Variants in CACNA2D1 observed in about 807,000 individuals in gnomAD.
The protein encoded by CACNA2D1 is calcium voltage-gated channel auxiliary subunit alpha2delta 1, also known as voltage-dependent calcium channel subunit alpha-2/delta-1.
Under a neutral mutation model 171.5 loss-of-function variants are expected in CACNA2D1, and 53 were observed. The ratio of observed to expected loss-of-function variants is 0.31; its 90% CI spans 0.25 to 0.39. CACNA2D1 has a LOEUF of 0.39. Ranked by LOEUF, CACNA2D1 falls within the 10% of genes least tolerant of loss-of-function variation. The probability of loss-of-function intolerance (pLI) is 1.00; values close to 1 mark genes in which losing one functional copy is unlikely to be tolerated. For synonymous variants in CACNA2D1, 442 were observed against 443.1 expected (o/e 1.00, Z 0.03); for missense variants, 903 against 1,299.8 (o/e 0.69, Z 4.69).
At chr7:82,415,028 A>G (rs1352021293) in intron 1 of CACNA2D1, among the ~76,000 whole-genome samples, 2 of 152,206 alleles carry the variant, frequency 1.3e-5, no homozygotes, top group African/African-American at 4.8e-5. Context: ...TTTATTAAAC[A>G]AGTCTTTAAA....
chr7:82,176,658 T>G (rs1796565944), intron 3 of CACNA2D1, among the ~76,000 whole-genome samples: 1 of 151,688 alleles, frequency 6.6e-6, no homozygotes, highest in South Asian at 2.1e-4. Flanking sequence ...TTGATAATTG[T>G]AGCAACTAGA....
At chr7:82,262,206 C>A (rs1010894176) in intron 3 of CACNA2D1, among the ~76,000 whole-genome samples, 2 of 152,158 alleles carry the variant, frequency 1.3e-5, no homozygotes, top group African/African-American at 4.8e-5. Context: ...TGGCAGGCAC[C>A]TGTAGTCCCA....
At chr7:82,000,605 C>T (rs1216380948) in intron 18 of CACNA2D1, among the ~76,000 whole-genome samples, 1 of 151,228 alleles carries the variant, frequency 6.6e-6, no homozygotes, top group East Asian at 2.0e-4. Flanking sequence ...TTTATTTACT[C>T]ATTTTGTTTT....
chr7:82,434,549 A>C (rs1450799013), intron 1 of CACNA2D1, among the ~76,000 whole-genome samples: 1 of 152,080 alleles, frequency 6.6e-6, no homozygotes, highest in Non-Finnish European at 1.5e-5. Context: ...GAAAGGTCCC[A>C]GTGTGTGTTG....
chr7:82,258,507 C>T (rs542928827), intron 3 of CACNA2D1, among the ~76,000 whole-genome samples: 2 of 152,248 alleles, frequency 1.3e-5, no homozygotes, highest in Admixed American at 1.3e-4. Context: ...TTGAGTCAGA[C>T]GGTATATAGA....
chr7:82,096,946 C>T (rs1251532594), intron 6 of CACNA2D1, among the ~76,000 whole-genome samples: 1 of 152,056 alleles, frequency 6.6e-6, no homozygotes, highest in Admixed American at 6.6e-5. Context: ...GCATCTAAAT[C>T]AAATTTTGCT....
At position 82,443,748 on chromosome 7, in the gene CACNA2D1, C is replaced by T; in HGVS notation, c.-289G>A. On this transcript the variant is annotated 5_prime_UTR_variant, in exon 1 of 39. Transcript: ENST00000356860. ...GGGCGACTTTGGAAACAGACCTCGGCGAGCCCGCCGGCGCTCGCGCGCTCT... is the reference window on the plus strand; with the variant it reads ...GGGCGACTTTGGAAACAGACCTCGGTGAGCCCGCCGGCGCTCGCGCGCTCT... 1.7e-6 allele frequency: 2 copies of T among 1,197,208 alleles called. No individual in the cohort carries two copies. Among genetic ancestry groups the T allele is most frequent in the Non-Finnish European group, 2.1e-6 (2 of 956,916 alleles). 74.2% of individuals were successfully genotyped at this position (1,197,208 alleles called of 1,614,324 possible).
At chr7:82,383,770 T>G (rs528309757) in intron 1 of CACNA2D1, among the ~76,000 whole-genome samples, 15 of 152,332 alleles carry the variant, frequency 9.8e-5, no homozygotes, top group Admixed American at 9.8e-4. Context: ...TAAGTATATT[T>G]GATACCAATG....
In CACNA2D1 at chr7:81,974,557, A is replaced by C; in HGVS notation, c.1956-5T>G. The C allele has an allele frequency of 7.1e-7, 1 of 1,398,634 alleles. No individual in the cohort carries two copies. Among genetic ancestry groups the C allele is most frequent in the Non-Finnish European group, 1.0e-6 (1 of 988,764 alleles). The allele number at this position is 1,398,634 out of a possible 1,614,324, so 86.6% of individuals were successfully genotyped here. On this transcript the variant is annotated splice_polypyrimidine_tract_variant and splice_region_variant and intron_variant, in intron 24 of 38. Transcript: ENST00000356860. ...TTCAGGTCATTGCAGTAATCTCTGA[A>C]AAAAAAACATTTTGAGATATTAGAT...
At chr7:82,048,674 T>C (rs1804831744) in intron 10 of CACNA2D1, among the ~76,000 whole-genome samples, 1 of 152,126 alleles carries the variant, frequency 6.6e-6, no homozygotes, top group Non-Finnish European at 1.5e-5. Context: ...TTCTTTTGAA[T>C]TTTAAGCCTA....
rs1386764468 is a variant in CACNA2D1, at chr7:81,951,991, T to TTA, written c.3160-1484_3160-1483insTA. ...AGTGTTTTTTTTTTTTTTTTTTTTT[T>TTA]AACCACATCCATTATTTTTTTATTA... On this transcript the variant is annotated intron_variant, in intron 38 of 38. Transcript: ENST00000356860. 9.6e-5 allele frequency among the ~76,000 whole-genome samples: 14 copies of TTA among 146,468 alleles called. 1 individual carries two copies. Among genetic ancestry groups the TTA allele is most frequent in the East Asian group, 6.0e-4 (3 of 5,016 alleles).
chr7:82,194,038 C>T (rs544615776), intron 3 of CACNA2D1, among the ~76,000 whole-genome samples: 4 of 152,014 alleles, frequency 2.6e-5, no homozygotes, highest in East Asian at 1.9e-4. Context: ...GTTCTGGTAA[C>T]GAATCTCCTT....
chr7:82,016,606 G>T (rs1328571678), intron 12 of CACNA2D1, among the ~76,000 whole-genome samples: 5 of 89,170 alleles, frequency 5.6e-5, no homozygotes, highest in Non-Finnish European at 7.8e-5. Flanking sequence ...AACACTAGCC[G>T]CCCGCCCCCC....
chr7:82,115,243 C>T (rs968032696), intron 6 of CACNA2D1, among the ~76,000 whole-genome samples: 7 of 152,224 alleles, frequency 4.6e-5, no homozygotes, highest in Non-Finnish European at 7.4e-5. Flanking sequence ...ATCCAACAAA[C>T]AACAGGTGAT....
chr7:82,156,068 A>G (rs1462813196), intron 4 of CACNA2D1, among the ~76,000 whole-genome samples: 1 of 152,172 alleles, frequency 6.6e-6, no homozygotes, highest in Non-Finnish European at 1.5e-5. Context: ...ATATCACCAT[A>G]AGATTTGGTG....
intron 1 of CACNA2D1, among the ~76,000 whole-genome samples, chr7:82,393,078 G>GAAGA (rs1243037576): frequency 1.3e-4 from 15 of 117,958 alleles, no homozygotes; most frequent in African/African-American, 4.9e-4. Flanking sequence ...AGGAAGGAAG[G>GAAGA]AAGGAAGGCA....
At chr7:82,090,587 T>G (rs1022723929) in intron 6 of CACNA2D1, among the ~76,000 whole-genome samples, 4 of 152,094 alleles carry the variant, frequency 2.6e-5, no homozygotes, top group Admixed American at 1.3e-4. Flanking sequence ...CTATTTTATA[T>G]TTAAGACAGT....
intron 3 of CACNA2D1, among the ~76,000 whole-genome samples, chr7:82,225,028 T>A (rs1802203850): frequency 6.6e-6 from 1 of 152,164 alleles, no homozygotes. Context: ...TTTCTAAGGG[T>A]TTTCCCATTT....
At chr7:82,000,546 T>C (rs1798480173) in intron 18 of CACNA2D1, among the ~76,000 whole-genome samples, 1 of 151,982 alleles carries the variant, frequency 6.6e-6, no homozygotes, top group Non-Finnish European at 1.5e-5. Flanking sequence ...TCACAGCTTA[T>C]CCATCTCTTA....
Sources: allele counts gnomAD v4.1 joint callset (sites outside exome capture counted in the v4.1 genomes callset), GRCh38; gene constraint gnomAD v4.1.1; transcripts MANE v1.5; gene names NCBI Gene and HGNC (gene_info 2026-07-23, HGNC 2026-07-21).